PDYN: variants seen among roughly 807,000 people sequenced by gnomAD.
The protein encoded by PDYN is proenkephalin-B.
Under a neutral mutation model 11.4 loss-of-function variants are expected in PDYN, and 5 were observed. The observed-to-expected ratio is 0.44, with a 90% confidence interval of 0.23 to 0.92. The LOEUF (loss-of-function observed/expected upper bound fraction) is 0.92. Among genes scored for constraint, PDYN ranks in the 40% least tolerant of loss-of-function variants. The probability of loss-of-function intolerance (pLI) is 0.24; values close to 1 mark genes in which losing one functional copy is unlikely to be tolerated. For synonymous variants in PDYN, 132 were observed against 129.5 expected (o/e 1.02, Z -0.13); for missense variants, 337 against 317.3 (o/e 1.06, Z -0.47).
chr20:1,991,115 A>C (rs544002110), intron 2 of PDYN, among the ~76,000 whole-genome samples: 10 of 152,308 alleles, frequency 6.6e-5, no homozygotes, highest in African/African-American at 2.4e-4. Flanking sequence ...GGATGCTGAC[A>C]TACCGTGTGA....
intron 3 of PDYN, among the ~76,000 whole-genome samples, chr20:1,982,586 G>C (rs1419935681): frequency 6.6e-6 from 1 of 152,164 alleles, no homozygotes; most frequent in Non-Finnish European, 1.5e-5. Flanking sequence ...CTCCTCTCAT[G>C]GAACTGTCTA....
rs773424079 is a variant in PDYN at position 1,980,522 on chromosome 20, A to G, written c.566T>C (p.Val189Ala). ...LRKYPKRSSE[V>A]AGEGDGDSMG... ...GCTATCCCCGTCCCCCTCCCCAGCC[A>G]CCTCTGAGCTCCTCTTGGGGTATTT... Residue 189 changes from valine to alanine, a missense_variant, in exon 4 of 4, where the codon GTG becomes GCG. Transcript: ENST00000217305. The G allele has an allele frequency of 2.5e-6, 4 of 1,612,118 alleles. No homozygotes were observed. In the Admixed American group the frequency reaches 5.0e-5, roughly 20 times the overall value.
chr20:1,983,537 T>C (rs1987965590), intron 2 of PDYN, among the ~76,000 whole-genome samples: 1 of 152,124 alleles, frequency 6.6e-6, no homozygotes, highest in Admixed American at 6.5e-5. Context: ...CTTTTCTGAG[T>C]TCTCTGAGGT....
intron 2 of PDYN, among the ~76,000 whole-genome samples, chr20:1,983,475 C>A (rs796706927): frequency 6.6e-6 from 1 of 152,202 alleles, no homozygotes; most frequent in Non-Finnish European, 1.5e-5. Flanking sequence ...GTCTTTCAGA[C>A]TTCAAAACCC....
chr20:1,989,293 T>C (rs1483995728), intron 2 of PDYN, among the ~76,000 whole-genome samples: 1 of 152,140 alleles, frequency 6.6e-6, no homozygotes, highest in Non-Finnish European at 1.5e-5. Flanking sequence ...CCTGGACTGC[T>C]CTCCTGGCAA....
rs1051445722 is a variant in PDYN at position 1,980,061 on chromosome 20, C to A, written c.*262G>T. 2.1e-5 allele frequency: 11 copies of A among 530,262 alleles called. No individual in the cohort carries two copies. In the East Asian group the frequency reaches 3.8e-4, roughly 18 times the overall value. 32.8% of individuals were successfully genotyped at this position (530,262 alleles called of 1,614,324 possible). A position where few individuals can be genotyped will look rare whatever the true frequency, so the allele number is the denominator to read the frequency against. On this transcript the variant is annotated 3_prime_UTR_variant, in exon 4 of 4. Coordinates refer to ENST00000217305, the MANE Select transcript of PDYN (RefSeq NM_024411.5). ...AAACTGCTGCTGCTGCTGCTGCTGCCGCTGCTGATAGTTTTAGAGTCTAGG... is the reference window on the plus strand; with the variant it reads ...AAACTGCTGCTGCTGCTGCTGCTGCAGCTGCTGATAGTTTTAGAGTCTAGG...
At chr20:1,983,150 TGTAGAC>T (rs2122340264) in intron 2 of PDYN, 47 bp from the exon 3 acceptor site, 1 of 1,516,644 alleles carries the variant, frequency 6.6e-7, no homozygotes, top group Non-Finnish European at 9.0e-7. Context: ...ATCACCACTC[TGTAGAC>T]TGTGTTCTGA....
intron 2 of PDYN, among the ~76,000 whole-genome samples, chr20:1,987,340 GA>G (rs1380816080): frequency 6.6e-6 from 1 of 152,028 alleles, no homozygotes; most frequent in Non-Finnish European, 1.5e-5. Flanking sequence ...AATTAGTTAT[GA>G]AAATAAACAG....
At chr20:1,983,708 C>T (rs1407354464) in intron 2 of PDYN, among the ~76,000 whole-genome samples, 1 of 152,176 alleles carries the variant, frequency 6.6e-6, no homozygotes, top group Non-Finnish European at 1.5e-5. Flanking sequence ...AGTTCCTTCT[C>T]CGATTCCTCC....
At chr20:1,983,170 C>A in intron 2 of PDYN, 67 bp from the exon 3 acceptor site, 1 of 1,388,768 alleles carries the variant, frequency 7.2e-7, no homozygotes, top group Non-Finnish European at 9.9e-7. Context: ...GTTCTGAGCC[C>A]ACAAAGTCAT....
intron 2 of PDYN, among the ~76,000 whole-genome samples, chr20:1,989,362 G>T (rs563022254): frequency 5.3e-5 from 8 of 152,222 alleles, no homozygotes; most frequent in Admixed American, 6.5e-5. Flanking sequence ...GAGAGGGAAA[G>T]GCATGGGCTC....
chr20:1,980,125 C>A lies in PDYN; in HGVS notation c.*198G>T. On this transcript the variant is annotated 3_prime_UTR_variant, in exon 4 of 4. Coordinates refer to ENST00000217305, the MANE Select transcript of PDYN (RefSeq NM_024411.5). ...CACTAAGCCTATTGTGGGGAAGGGACATCCACCCTTCCCCATCACAGACCC... is the reference window on the plus strand; with the variant it reads ...CACTAAGCCTATTGTGGGGAAGGGAAATCCACCCTTCCCCATCACAGACCC... The A allele has an allele frequency of 1.5e-6, 1 of 661,856 alleles. No individual in the cohort carries two copies. The allele number at this position is 661,856 out of a possible 1,614,324, so 41.0% of individuals were successfully genotyped here.
chr20:1,985,004 T>A (rs1296279437), intron 2 of PDYN, among the ~76,000 whole-genome samples: 1 of 152,204 alleles, frequency 6.6e-6, no homozygotes, highest in East Asian at 1.9e-4. Flanking sequence ...TTCTTTCAAC[T>A]GGATCCTCTA....
intron 2 of PDYN, among the ~76,000 whole-genome samples, chr20:1,988,554 G>A (rs900834211): frequency 8.5e-5 from 13 of 152,124 alleles, no homozygotes; most frequent in African/African-American, 1.2e-4. Flanking sequence ...GCCGATCATC[G>A]GGATGAGAAG....
At chr20:1,982,829 C>A in intron 3 of PDYN, 127 bp downstream of exon 3, 1 of 998,068 alleles carries the variant, frequency 1.0e-6, no homozygotes, top group Non-Finnish European at 1.5e-6. Flanking sequence ...GGACACCCAC[C>A]ACCCTGCACA....
At chr20:1,983,568 C>G (rs910292738) in intron 2 of PDYN, among the ~76,000 whole-genome samples, 1 of 152,248 alleles carries the variant, frequency 6.6e-6, no homozygotes, top group Non-Finnish European at 1.5e-5. Flanking sequence ...GTGTCCCAGA[C>G]TGTCCCATGT....
rs1777738668 is a variant in PDYN at position 1,979,581 on chromosome 20, G to A, written c.*742C>T. 1 of 152,590 alleles carries A rather than the reference G, an allele frequency of 6.6e-6. No individual in the cohort carries two copies. The highest frequency in any genetic ancestry group is 6.5e-5 in the Admixed American group (1 of 15,324). The allele number at this position is 152,590 out of a possible 1,614,324, so 9.5% of individuals were successfully genotyped here. A position where few individuals can be genotyped will look rare whatever the true frequency, so the allele number is the denominator to read the frequency against. On this transcript the variant is annotated 3_prime_UTR_variant, in exon 4 of 4. Transcript: ENST00000217305. The stretch of plus-strand genomic sequence containing the variant: ...TTTCACTCCCTTCTGTAAGGAGTTA[G>A]GCACTGTCCAGGGTACCAACATGAC...
intron 2 of PDYN, among the ~76,000 whole-genome samples, chr20:1,989,151 T>C (rs1600529628): frequency 6.6e-6 from 1 of 152,342 alleles, no homozygotes; most frequent in Non-Finnish European, 1.5e-5. Flanking sequence ...CTTGAACATA[T>C]TCTTAAATAA....
Position 1,983,050 on chromosome 20 carries a change from AG to A in PDYN, c.34del (p.Leu12SerfsTer20), listed in dbSNP as rs761385412. On this transcript the variant is annotated frameshift_variant, in exon 3 of 4. Transcript: ENST00000217305. LOFTEE classifies it high-confidence loss of function. ...CGCTGTGGTGGAGGGGAACATGAGG[AG>A]GCAGGCAGCCAGGACCAGCCCCTGC... ...AWQGLVLAAC[L>X]LMFPSTTADC... is the part of the protein sequence containing the mutation. The A allele has an allele frequency of 2.9e-5, 46 of 1,613,852 alleles. No individual in the cohort carries two copies. The highest frequency in any genetic ancestry group is 3.3e-4 in the Middle Eastern group (2 of 6,058).
Sources: allele counts gnomAD v4.1 joint callset (sites outside exome capture counted in the v4.1 genomes callset), GRCh38; gene constraint gnomAD v4.1.1; transcripts MANE v1.5; gene names NCBI Gene and HGNC (gene_info 2026-07-23, HGNC 2026-07-21).